EPB41L3: variants seen among roughly 807,000 people sequenced by gnomAD.
EPB41L3 encodes erythrocyte membrane protein band 4.1 like 3, also known as band 4.1-like protein 3.
In EPB41L3, 57 loss-of-function variants were observed where a neutral mutation model predicts 127.1. The observed-to-expected ratio is 0.45, with a 90% CI of 0.36 to 0.56. The LOEUF is 0.56. Among genes scored for constraint, EPB41L3 ranks in the 20% least tolerant of loss-of-function variants. The probability of loss-of-function intolerance (pLI) is 0.00; values close to 1 mark genes in which losing one functional copy is unlikely to be tolerated. For missense variants in EPB41L3, 1,273 were observed against 1,372.2 expected (o/e 0.93, Z 1.14); for synonymous variants, 572 against 549.5 (o/e 1.04, Z -0.57).
intron 1 of EPB41L3, among the ~76,000 whole-genome samples, chr18:5,541,252 CAAAAAAAAAAAAA>C (rs370717420): frequency 4.3e-5 from 2 of 46,760 alleles, no homozygotes; most frequent in Non-Finnish European, 3.3e-5. Context: ...GACTCCATCT[CAAAAAAAAAAAAA>C]AAAAAAAAAA....
intron 1 of EPB41L3, among the ~76,000 whole-genome samples, chr18:5,616,883 T>C (rs1041460629): frequency 1.3e-5 from 2 of 152,252 alleles, no homozygotes; most frequent in Non-Finnish European, 2.9e-5. Flanking sequence ...TTATCTTCTC[T>C]TGTCCATAGA....
chr18:5,429,401 A>T (rs887868242), intron 8 of EPB41L3: 1 of 152,222 alleles, frequency 6.6e-6, no homozygotes, highest in African/African-American at 2.4e-5. Flanking sequence ...AGTCAGGGTA[A>T]AACGAACATT....
chr18:5,398,951 C>A, intron 16 of EPB41L3: 1 of 399,120 alleles, frequency 2.5e-6, no homozygotes, highest in Non-Finnish European at 4.4e-6. Context: ...TCCGCTGTGT[C>A]GTCTGGACCT....
At position 5,406,921 on chromosome 18, in the gene EPB41L3, A is replaced by T. The variant is rs771280917; in HGVS notation, c.2205T>A (p.Ile735=). 1 of 1,614,084 alleles carries T rather than the reference A, an allele frequency of 6.2e-7. No individual in the cohort carries two copies. ...CTAAGAAGGTTCTTTTCAGCTCGCT[A>T]ATGTTGGTTTGATGTTTCATCAGGT... ...QDDLMKHQTN[I]SELKRTFLET... is the part of the protein sequence containing the mutation. Residue 735 remains isoleucine, a synonymous_variant, in exon 16 of 23, where the codon ATT becomes ATA. Transcript: ENST00000341928.
At chr18:5,596,734 T>G (rs2094540179) in intron 3 of EPB41L3, among the ~76,000 whole-genome samples, 1 of 152,226 alleles carries the variant, frequency 6.6e-6, no homozygotes, top group South Asian at 2.1e-4. Flanking sequence ...TTTATTCCTG[T>G]GGCTAAAATG....
At chr18:5,462,725 C>T (rs1283804618) in intron 3 of EPB41L3, among the ~76,000 whole-genome samples, 1 of 152,166 alleles carries the variant, frequency 6.6e-6, no homozygotes, top group African/African-American at 2.4e-5. Context: ...TTTCTTCTTG[C>T]TCATTCGCTC....
chr18:5,487,426 A>G, intron 2 of EPB41L3, among the ~76,000 whole-genome samples: 1 of 150,290 alleles, frequency 6.7e-6, no homozygotes, highest in African/African-American at 2.4e-5. Context: ...AAAAATATAA[A>G]TGTACTTATT....
chr18:5,552,278 A>C (rs1393817747), intron 3 of EPB41L3, among the ~76,000 whole-genome samples: 1 of 152,256 alleles, frequency 6.6e-6, no homozygotes, highest in African/African-American at 2.4e-5. Context: ...TGTCAATAAA[A>C]TGCTGGCATA....
Position 5,393,375 on chromosome 18 carries a change from C to T in EPB41L3, c.*110G>A. 2 of 615,038 alleles carry T rather than the reference C, an allele frequency of 3.3e-6. No individual in the cohort carries two copies. The highest frequency in any genetic ancestry group is 5.8e-6 in the Non-Finnish European group (2 of 343,024). The allele number at this position is 615,038 out of a possible 1,614,324, so 38.1% of individuals were successfully genotyped here. ...TCAATTCTTCTGGACTGAAATTTTC[C>T]ACGGACAGATACAAGTCAGTTGGGT... On this transcript the variant is annotated 3_prime_UTR_variant, in exon 23 of 23. Coordinates refer to ENST00000341928, the MANE Select transcript of EPB41L3 (RefSeq NM_012307.5).
chr18:5,450,084 G>C (rs936582577), intron 3 of EPB41L3, among the ~76,000 whole-genome samples: 5 of 152,004 alleles, frequency 3.3e-5, no homozygotes, highest in African/African-American at 1.2e-4. Context: ...TGCAGATAAT[G>C]GGGGGGACTA....
At chr18:5,442,242 TAAG>T (rs1317570710) in intron 5 of EPB41L3, among the ~76,000 whole-genome samples, 5 of 152,172 alleles carry the variant, frequency 3.3e-5, no homozygotes, top group African/African-American at 1.2e-4. Flanking sequence ...GAACAAAAAA[TAAG>T]TAGTGTTTTC....
chr18:5,474,317 G>A (rs556673506), intron 3 of EPB41L3, among the ~76,000 whole-genome samples: 22 of 152,058 alleles, frequency 1.4e-4, no homozygotes, highest in Non-Finnish European at 2.5e-4. Flanking sequence ...GAGAAAGCAC[G>A]ATCTGAAAAG....
chr18:5,436,692 G>A (rs1054574844), intron 6 of EPB41L3, among the ~76,000 whole-genome samples: 8 of 152,148 alleles, frequency 5.3e-5, no homozygotes, highest in South Asian at 2.1e-4. Flanking sequence ...ACAGGCGTGC[G>A]CCACCGTGCC....
chr18:5,525,905 T>C (rs1317384682), intron 1 of EPB41L3, among the ~76,000 whole-genome samples: 2 of 152,154 alleles, frequency 1.3e-5, no homozygotes, highest in South Asian at 4.2e-4. Flanking sequence ...ATGTCTTCTA[T>C]TGGAGAAACA....
chr18:5,408,498 C>T (rs1345443479), intron 14 of EPB41L3, among the ~76,000 whole-genome samples: 1 of 151,874 alleles, frequency 6.6e-6, no homozygotes, highest in Non-Finnish European at 1.5e-5. Flanking sequence ...TAGTCTTGAA[C>T]TCCTGACCTC....
intron 3 of EPB41L3, among the ~76,000 whole-genome samples, chr18:5,445,822 C>A (rs1452179603): frequency 1.3e-5 from 2 of 152,128 alleles, no homozygotes; most frequent in East Asian, 3.9e-4. Flanking sequence ...CATAGGAGTT[C>A]GAACCCTATT....
intron 3 of EPB41L3, among the ~76,000 whole-genome samples, chr18:5,574,974 TTCTG>T (rs1156744734): frequency 6.6e-6 from 1 of 152,164 alleles, no homozygotes; most frequent in Non-Finnish European, 1.5e-5. Flanking sequence ...TTCTAGCCTC[TTCTG>T]TCTAACTTGA....
intron 3 of EPB41L3, among the ~76,000 whole-genome samples, chr18:5,459,569 C>A (rs978950931): frequency 3.3e-5 from 5 of 152,024 alleles, no homozygotes; most frequent in African/African-American, 1.2e-4. Flanking sequence ...ATTTTTAAAT[C>A]TTTCATTAAT....
chr18:5,394,586 G>A (rs146579887), intron 22 of EPB41L3, 91 bp downstream of exon 22: 2 of 919,100 alleles, frequency 2.2e-6, no homozygotes, highest in Admixed American at 2.0e-5. Flanking sequence ...AGAGAACAGA[G>A]GAAAGGAGGG....
Sources: gnomAD v4.1 joint callset for allele counts (sites outside exome capture counted in the v4.1 genomes callset) on GRCh38, gnomAD v4.1.1 for gene constraint, MANE v1.5 for transcripts, NCBI Gene and HGNC (gene_info 2026-07-23, HGNC 2026-07-21) for gene names.